TAF4B: variants seen among roughly 807,000 people sequenced by gnomAD.
The protein encoded by TAF4B is transcription initiation factor TFIID subunit 4B.
Under a neutral mutation model 86.4 loss-of-function variants are expected in TAF4B, and 38 were observed. The ratio of observed to expected loss-of-function variants is 0.44; its 90% CI spans 0.34 to 0.58. The LOEUF is 0.58. Among genes scored for constraint, TAF4B ranks in the 20% least tolerant of loss-of-function variants. The probability of loss-of-function intolerance (pLI) is 0.02; values close to 1 mark genes in which losing one functional copy is unlikely to be tolerated. For missense variants in TAF4B, 988 were observed against 1,027.6 expected, an observed-to-expected ratio of 0.96 and a Z score of 0.53; for synonymous variants, 388 against 391.2, an observed-to-expected ratio of 0.99 and a Z score of 0.10.
At chr18:26,290,787 A>G (rs2056581951) in intron 7 of TAF4B, among the ~76,000 whole-genome samples, 1 of 152,214 alleles carries the variant, frequency 6.6e-6, no homozygotes, top group Non-Finnish European at 1.5e-5. Context: ...ACTGACAGGA[A>G]TACCTAATAA....
At chr18:26,237,183 G>A (rs2055761870) in intron 1 of TAF4B, among the ~76,000 whole-genome samples, 1 of 152,136 alleles carries the variant, frequency 6.6e-6, no homozygotes, top group Non-Finnish European at 1.5e-5. Flanking sequence ...TTCTTTGGCT[G>A]TTATTCTGTC....
chr18:26,287,250 C>T (rs939621882), intron 7 of TAF4B, among the ~76,000 whole-genome samples: 13 of 152,122 alleles, frequency 8.5e-5, no homozygotes, highest in African/African-American at 3.1e-4. Context: ...CTGTTCCTCT[C>T]GACTTAGACC....
chr18:26,317,265 A>G (rs1043778370), intron 10 of TAF4B, among the ~76,000 whole-genome samples: 11 of 152,060 alleles, frequency 7.2e-5, no homozygotes, highest in Admixed American at 3.3e-4. Flanking sequence ...TCCTGACGTC[A>G]AGTCATCCAC....
chr18:26,331,662 G>A (rs1279311993), intron 12 of TAF4B, among the ~76,000 whole-genome samples: 1 of 151,994 alleles, frequency 6.6e-6, no homozygotes, highest in Non-Finnish European at 1.5e-5. Context: ...TCCATTCTGT[G>A]TCTCCTCTCT....
chr18:26,342,904 CAA>C (rs950379201), intron 13 of TAF4B, among the ~76,000 whole-genome samples: 18 of 152,280 alleles, frequency 1.2e-4, no homozygotes, highest in African/African-American at 4.1e-4. Flanking sequence ...TTTTATTAAA[CAA>C]AGGCTAGTCA....
At chr18:26,362,567 A>C (rs2057339955) in intron 14 of TAF4B, among the ~76,000 whole-genome samples, 1 of 152,200 alleles carries the variant, frequency 6.6e-6, no homozygotes, top group Non-Finnish European at 1.5e-5. Flanking sequence ...TTAGGGAGAA[A>C]ACCGAATGTG....
At chr18:26,321,812 T>G (rs1009113122) in intron 11 of TAF4B, among the ~76,000 whole-genome samples, 2 of 152,148 alleles carry the variant, frequency 1.3e-5, no homozygotes, top group Non-Finnish European at 2.9e-5. Flanking sequence ...TGTTCTACAT[T>G]AGATCTTTCC....
At chr18:26,321,868 G>A (rs1181774524) in intron 11 of TAF4B, among the ~76,000 whole-genome samples, 18 of 151,882 alleles carry the variant, frequency 1.2e-4, no homozygotes, top group Admixed American at 1.1e-3. Context: ...TGATTGCATT[G>A]AGTGCTCATA....
intron 9 of TAF4B, among the ~76,000 whole-genome samples, chr18:26,305,119 C>T (rs2056781007): frequency 6.6e-6 from 1 of 152,040 alleles, no homozygotes; most frequent in Admixed American, 6.6e-5. Flanking sequence ...TCTAATGTAT[C>T]CTTTCGTATT....
chr18:26,258,185 C>G (rs535170844), intron 1 of TAF4B, among the ~76,000 whole-genome samples: 3 of 150,134 alleles, frequency 2.0e-5, no homozygotes, highest in African/African-American at 7.4e-5. Context: ...ACCAAGGAGT[C>G]GGAGGTTGCA....
At chr18:26,359,527 T>C (rs1312222763) in intron 14 of TAF4B, among the ~76,000 whole-genome samples, 1 of 152,218 alleles carries the variant, frequency 6.6e-6, no homozygotes, top group Non-Finnish European at 1.5e-5. Context: ...ATAGTAGAAC[T>C]GTGTCCTGTA....
chr18:26,240,197 A>C (rs997936136), intron 1 of TAF4B, among the ~76,000 whole-genome samples: 5 of 152,098 alleles, frequency 3.3e-5, no homozygotes, highest in African/African-American at 1.2e-4. Flanking sequence ...CATTTTCATG[A>C]TATTGATTCT....
intron 13 of TAF4B, chr18:26,348,481 A>G (rs2057218661): frequency 6.5e-6 from 1 of 154,544 alleles, no homozygotes; most frequent in Non-Finnish European, 1.5e-5. Context: ...TAACTGTGGC[A>G]AAGCCTTTAC....
In TAF4B at chr18:26,241,571, G is replaced by A. The variant is rs182217854; in HGVS notation, c.343+14295G>A. On this transcript the variant is annotated intron_variant, in intron 1 of 14. Transcript: ENST00000269142. ...CTTTGATTTTTTTGAAGGGTTTTTTGTGTCTCTATCTCCTTCAGTTCTGCT... is the reference window on the plus strand; with the variant it reads ...CTTTGATTTTTTTGAAGGGTTTTTTATGTCTCTATCTCCTTCAGTTCTGCT... Among the ~76,000 whole-genome samples, 58 of 152,060 alleles carry A rather than the reference G, an allele frequency of 3.8e-4. 1 individual carries two copies. The East Asian group carries it at 6.7e-3, about 18-fold the overall frequency.
chr18:26,287,073 G>A (rs2056533047), intron 7 of TAF4B, among the ~76,000 whole-genome samples: 1 of 151,820 alleles, frequency 6.6e-6, no homozygotes, highest in South Asian at 2.1e-4. Context: ...CTCCTAAAAG[G>A]TTTTTTTTGT....
At chr18:26,305,936 A>G (rs1396545473) in intron 9 of TAF4B, among the ~76,000 whole-genome samples, 1 of 152,190 alleles carries the variant, frequency 6.6e-6, no homozygotes, top group African/African-American at 2.4e-5. Context: ...TTTACGATAT[A>G]GAAGATTCCC....
chr18:26,358,862 C>CT (rs1301588811), intron 14 of TAF4B, among the ~76,000 whole-genome samples: 1 of 152,184 alleles, frequency 6.6e-6, no homozygotes, highest in Non-Finnish European at 1.5e-5. Context: ...TTTAAATCTA[C>CT]TTTGAGGCAA....
chr18:26,309,920 G>A (rs934005605), intron 9 of TAF4B, among the ~76,000 whole-genome samples: 1 of 152,134 alleles, frequency 6.6e-6, no homozygotes, highest in African/African-American at 2.4e-5. Context: ...TGCCTCCCGG[G>A]TTCAAGAGAT....
chr18:26,361,338 T>A (rs2057328192), intron 14 of TAF4B, among the ~76,000 whole-genome samples: 1 of 149,604 alleles, frequency 6.7e-6, no homozygotes, highest in African/African-American at 2.5e-5. Context: ...TTGCCCAGGC[T>A]GGCCTTGAAC....
Sources: allele counts gnomAD v4.1 joint callset (sites outside exome capture counted in the v4.1 genomes callset), GRCh38; gene constraint gnomAD v4.1.1; transcripts MANE v1.5; gene names NCBI Gene and HGNC (gene_info 2026-07-23, HGNC 2026-07-21).